EDEM2: variants seen among roughly 807,000 people sequenced by gnomAD.
The protein encoded by EDEM2 is ER degradation-enhancing alpha-mannosidase-like protein 2.
EDEM2 carries 39 observed loss-of-function variants against 64.8 expected under a neutral mutation model. That is an observed-to-expected ratio of 0.60 (90% CI 0.47 to 0.79). EDEM2 has a LOEUF of 0.79. EDEM2 is among the 30% of genes least tolerant of loss of function. EDEM2 has a pLI of 0.00. For synonymous variants in EDEM2, 296 were observed against 291.5 expected (o/e 1.02, Z -0.16); for missense variants, 609 against 731.3 (o/e 0.83, Z 1.93).
Position 35,137,921 on chromosome 20 carries a change from A to C in EDEM2, c.449T>G (p.Leu150Arg). Residue 150 changes from leucine (L) to arginine (R), a missense_variant, in exon 5 of 11, where the codon CTC becomes CGC. Coordinates refer to ENST00000374492, the MANE Select transcript of EDEM2 (RefSeq NM_018217.3). Reference protein sequence around the residue: ...VEAGWPCSGPLLRMAEEAARK... With the variant: ...VEAGWPCSGPRLRMAEEAARK... ...GGCCGCCTCCTCAGCCATTCTCAGG[A>C]GAGGCCCGGAACAGGGCCATCCAGC... 1 of 1,614,208 alleles carries C rather than the reference A, an allele frequency of 6.2e-7. No individual in the cohort carries two copies. Among genetic ancestry groups the C allele is most frequent in the Non-Finnish European group, 8.5e-7 (1 of 1,180,044 alleles).
At chr20:35,136,437 C>A (rs966891072) in intron 5 of EDEM2, among the ~76,000 whole-genome samples, 22 of 152,184 alleles carry the variant, frequency 1.4e-4, no homozygotes, top group Middle Eastern at 3.4e-3. Flanking sequence ...CAGCTCTCCC[C>A]CAAAGGAGAG....
At chr20:35,124,419 G>T (rs1175370230) in intron 8 of EDEM2, among the ~76,000 whole-genome samples, 1 of 152,136 alleles carries the variant, frequency 6.6e-6, no homozygotes, top group Non-Finnish European at 1.5e-5. Flanking sequence ...TTTTGTTTTT[G>T]AGACAGGGTC....
At chr20:35,118,045 G>A (rs534713665) in intron 10 of EDEM2, among the ~76,000 whole-genome samples, 11 of 152,076 alleles carry the variant, frequency 7.2e-5, no homozygotes, top group Non-Finnish European at 1.6e-4. Context: ...AGCCACACTG[G>A]CCTTCTGTCT....
chr20:35,117,332 G>T (rs1569173173), intron 10 of EDEM2: 2 of 152,092 alleles, frequency 1.3e-5, no homozygotes, highest in Non-Finnish European at 2.9e-5. Flanking sequence ...ATTCTCAGTG[G>T]ACTCTATCTT....
chr20:35,129,895 G>GGT (rs1016065403), intron 7 of EDEM2, among the ~76,000 whole-genome samples: 2 of 152,218 alleles, frequency 1.3e-5, no homozygotes, highest in South Asian at 4.1e-4. Context: ...ATATAGCCTA[G>GGT]GTGTGTAGTT....
At chr20:35,140,399 GT>G (rs1317079545) in intron 4 of EDEM2, among the ~76,000 whole-genome samples, 14 of 152,174 alleles carry the variant, frequency 9.2e-5, no homozygotes, top group Admixed American at 6.5e-4. Context: ...CAGGAGAATC[GT>G]TTAAACCCAG....
At chr20:35,142,775 C>T (rs111534131) in intron 3 of EDEM2, among the ~76,000 whole-genome samples, 6 of 152,046 alleles carry the variant, frequency 3.9e-5, no homozygotes, top group Non-Finnish European at 4.4e-5. Context: ...TTTTTTGTTT[C>T]GTTTTTTTGA....
At chr20:35,126,444 G>A (rs141824511) in intron 7 of EDEM2, 69 bp from the exon 8 acceptor site, 91 of 1,571,546 alleles carry the variant, frequency 5.8e-5, no homozygotes, top group African/African-American at 2.4e-4. Flanking sequence ...CCTGGACAGC[G>A]GAAGCGAGAA....
chr20:35,140,128 G>A (rs568147599), intron 4 of EDEM2, among the ~76,000 whole-genome samples: 1 of 152,078 alleles, frequency 6.6e-6, no homozygotes, highest in South Asian at 2.1e-4. Context: ...TGCATTAAAG[G>A]AAATTCTAAA....
At chr20:35,138,044 G>A (rs367711255) in intron 4 of EDEM2, 39 bp from the exon 5 acceptor site, 9 of 1,609,268 alleles carry the variant, frequency 5.6e-6, no homozygotes, top group Non-Finnish European at 7.6e-6. Flanking sequence ...CAGTCCAAAG[G>A]GAAAGACCAA....
intron 6 of EDEM2, among the ~76,000 whole-genome samples, chr20:35,133,617 C>G (rs1600711533): frequency 1.3e-5 from 2 of 152,084 alleles, no homozygotes; most frequent in Non-Finnish European, 1.5e-5. Flanking sequence ...CAGGCATGCA[C>G]CACCACGCCC....
In EDEM2 at chr20:35,142,393, A is replaced by T; in HGVS notation, c.344T>A (p.Val115Glu). Residue 115 changes from valine to glutamate, a missense_variant, in exon 4 of 11, where the codon GTG becomes GAG. Coordinates refer to ENST00000374492, the MANE Select transcript of EDEM2 (RefSeq NM_018217.3). ...VDFDIDVNAS[V>E]FETNIRVVGG... is the part of the protein sequence containing the mutation. ...CTTACCTCGAATGTTTGTTTCAAAC[A>T]CAGAGGCGTTCACATCAATATCAAA... 6.2e-7 allele frequency: 1 copy of T among 1,613,980 alleles called. No individual in the cohort carries two copies. Among genetic ancestry groups the T allele is most frequent in the East Asian group, 2.2e-5 (1 of 44,886 alleles).
intron 9 of EDEM2, among the ~76,000 whole-genome samples, chr20:35,119,838 A>G (rs2085348120): frequency 6.6e-6 from 1 of 152,178 alleles, no homozygotes; most frequent in African/African-American, 2.4e-5. Context: ...AAATGTGTTT[A>G]TTGCTTTCAA....
At chr20:35,136,800 G>C (rs2085582964) in intron 5 of EDEM2, among the ~76,000 whole-genome samples, 1 of 149,318 alleles carries the variant, frequency 6.7e-6, no homozygotes, top group Admixed American at 6.7e-5. Context: ...GGATAAATAA[G>C]TGAGATGGCC....
In EDEM2 at chr20:35,137,732, T is replaced by A. The variant is rs185596744; in HGVS notation, c.490+148A>T. ...TTAAAATGCCCAGGACACTCCTGATTTCCATGGTGGGTGCCTGGTGGGTAG... is the reference window on the plus strand; with the variant it reads ...TTAAAATGCCCAGGACACTCCTGATATCCATGGTGGGTGCCTGGTGGGTAG... On this transcript the variant is annotated intron_variant, in intron 5 of 10. Coordinates refer to ENST00000374492, the MANE Select transcript of EDEM2 (RefSeq NM_018217.3). The A allele has an allele frequency of 1.3e-5, 16 of 1,199,870 alleles. No homozygotes were observed. The Admixed American group carries it at 4.5e-4, about 34-fold the overall frequency. 74.3% of individuals were successfully genotyped at this position (1,199,870 alleles called of 1,614,324 possible).
In EDEM2 at chr20:35,115,589, A is replaced by G. The variant is rs781146565; in HGVS notation, c.1581T>C (p.Pro527=). The change falls in exon 11 of 11, where the codon CCT becomes CCC. Residue 527 remains proline, a synonymous_variant. Coordinates refer to ENST00000374492, the MANE Select transcript of EDEM2 (RefSeq NM_018217.3). ...KNTVSSGPWE[P]PARPGTLFSP... ...AGAAGAGTGTTCCTGGCCTTGCTGG[A>G]GGTTCCCATGGCCCCGAACTAACAG... 5 of 1,612,930 alleles carry G rather than the reference A, an allele frequency of 3.1e-6. No homozygotes were observed. Among genetic ancestry groups the G allele is most frequent in the Non-Finnish European group, 4.2e-6 (5 of 1,180,006 alleles).
At chr20:35,141,785 A>AAAGGTC (rs200133914) in intron 4 of EDEM2, among the ~76,000 whole-genome samples, 20,786 of 152,184 alleles carry the variant, frequency 0.14, 1,757 homozygotes, top group African/African-American at 0.24. Context: ...GAATTTTTTA[A>AAAGGTC]CCACTTGGGA....
Position 35,131,788 on chromosome 20 carries a change from G to A in EDEM2, c.703-5C>T, listed in dbSNP as rs753830818. On this transcript the variant is annotated splice_region_variant and splice_polypyrimidine_tract_variant and intron_variant, in intron 6 of 10. Transcript: ENST00000374492. ...CACATCAATGTGGTTGCCGACCTGA[G>A]AGAGAGAAAGACACACGGTCCCAAC... The A allele has an allele frequency of 3.7e-6, 6 of 1,613,144 alleles. No homozygotes were observed. The highest frequency in any genetic ancestry group is 4.2e-6 in the Non-Finnish European group (5 of 1,179,512).
chr20:35,137,986 A>C lies in EDEM2; in HGVS notation c.384T>G (p.Ser128=). 1 of 1,614,248 alleles carries C rather than the reference A, an allele frequency of 6.2e-7. No homozygotes were observed. The highest frequency in any genetic ancestry group is 8.5e-7 in the Non-Finnish European group (1 of 1,180,038). ...TNIRVVGGLL[S]AHLLSKKAGV... ...CAGCCTTCTTGGAGAGCAGATGAGC[A>C]GACAGGAGTCCTCCTACCACTACAG... The change falls in exon 5 of 11, where the codon TCT becomes TCG. Residue 128 remains serine (S), a synonymous_variant. Coordinates refer to ENST00000374492, the MANE Select transcript of EDEM2 (RefSeq NM_018217.3).
Sources: allele counts gnomAD v4.1 joint callset (sites outside exome capture counted in the v4.1 genomes callset), GRCh38; gene constraint gnomAD v4.1.1; transcripts MANE v1.5; gene names NCBI Gene and HGNC (gene_info 2026-07-23, HGNC 2026-07-21).